PSME4: variants seen among roughly 807,000 people sequenced by gnomAD.
PSME4 encodes proteasome activator complex subunit 4.
In PSME4, 89 loss-of-function variants were observed where a neutral mutation model predicts 253.9. The observed-to-expected ratio is 0.35, with a 90% CI of 0.30 to 0.42. The LOEUF is 0.42. Ranked by LOEUF, PSME4 falls within the 10% of genes least tolerant of loss-of-function variation. The pLI is 1.00. For missense variants in PSME4, 2,014 were observed against 2,195.2 expected (o/e 0.92, Z 1.65); for synonymous variants, 851 against 759.2 (o/e 1.12, Z -1.99).
At chr2:53,961,017 G>GA (rs778847055) in intron 1 of PSME4, among the ~76,000 whole-genome samples, 28 of 152,178 alleles carry the variant, frequency 1.8e-4, no homozygotes, top group Non-Finnish European at 3.8e-4. Flanking sequence ...TGAGGCAGGA[G>GA]AATCGCTTGA....
intron 26 of PSME4, among the ~76,000 whole-genome samples, chr2:53,905,666 C>G (rs1395462502): frequency 6.6e-6 from 1 of 152,148 alleles, no homozygotes; most frequent in Non-Finnish European, 1.5e-5. Flanking sequence ...GACCTGAGTT[C>G]ATGGTGATGT....
At chr2:53,951,284 T>C (rs980418361) in intron 1 of PSME4, among the ~76,000 whole-genome samples, 10 of 152,330 alleles carry the variant, frequency 6.6e-5, no homozygotes, top group African/African-American at 2.4e-4. Flanking sequence ...GGTTTCACCA[T>C]GTTGGCCAGG....
chr2:53,891,104 AC>A (rs1679885923), intron 36 of PSME4, among the ~76,000 whole-genome samples: 1 of 152,250 alleles, frequency 6.6e-6, no homozygotes, highest in Non-Finnish European at 1.5e-5. Flanking sequence ...CTAGGCTGAA[AC>A]AAAACCTCAA....
intron 4 of PSME4, 31 bp from the exon 5 acceptor site, chr2:53,937,571 G>T: frequency 6.3e-7 from 1 of 1,594,800 alleles, no homozygotes; most frequent in South Asian, 1.1e-5. Flanking sequence ...TCATGTATCT[G>T]ATTATTGGCT....
At chr2:53,895,811 G>T in intron 32 of PSME4, 75 bp from the exon 33 acceptor site, 1 of 1,331,842 alleles carries the variant, frequency 7.5e-7, no homozygotes, top group Non-Finnish European at 1.0e-6. Flanking sequence ...TCAATCAACA[G>T]TACCAGCATA....
chr2:53,965,372 T>C (rs534556284), intron 1 of PSME4, among the ~76,000 whole-genome samples: 7 of 151,688 alleles, frequency 4.6e-5, no homozygotes, highest in South Asian at 2.1e-4. Flanking sequence ...CCTCAGTCTA[T>C]AGGCGAGTGC....
chr2:53,894,582 T>A (rs1433858696), intron 34 of PSME4, among the ~76,000 whole-genome samples: 1 of 152,236 alleles, frequency 6.6e-6, no homozygotes, highest in African/African-American at 2.4e-5. Context: ...AAGTCAACTT[T>A]CAAAGTGAAG....
At chr2:53,917,091 T>C (rs1668094552) in intron 20 of PSME4, among the ~76,000 whole-genome samples, 1 of 150,930 alleles carries the variant, frequency 6.6e-6, no homozygotes, top group South Asian at 2.1e-4. Context: ...TTTTAATCTA[T>C]ATATGTTTAA....
intron 29 of PSME4, among the ~76,000 whole-genome samples, chr2:53,898,632 G>GGCACAC: frequency 8.7e-6 from 1 of 114,892 alleles, no homozygotes; most frequent in East Asian, 3.2e-4. Context: ...AATTGGGAGT[G>GGCACAC]GCACACACAC....
intron 3 of PSME4, among the ~76,000 whole-genome samples, chr2:53,945,402 A>G (rs1669654747): frequency 6.6e-6 from 1 of 152,162 alleles, no homozygotes; most frequent in Admixed American, 6.6e-5. Flanking sequence ...AACACTACCA[A>G]TTCTTTCTCC....
At chr2:53,890,816 T>C (rs1233273013) in intron 36 of PSME4, among the ~76,000 whole-genome samples, 2 of 152,020 alleles carry the variant, frequency 1.3e-5, no homozygotes, top group African/African-American at 2.4e-5. Flanking sequence ...TCACTTGAAA[T>C]CAGGAGTTCA....
intron 1 of PSME4, among the ~76,000 whole-genome samples, chr2:53,964,749 T>C (rs959172509): frequency 3.3e-5 from 5 of 152,210 alleles, no homozygotes; most frequent in East Asian, 1.9e-4. Flanking sequence ...TGGCCACTTA[T>C]TACTTTCCAC....
chr2:53,964,133 A>G (rs777036718), intron 1 of PSME4, among the ~76,000 whole-genome samples: 9 of 152,234 alleles, frequency 5.9e-5, no homozygotes, highest in African/African-American at 9.6e-5. Flanking sequence ...AGTGAAAAGA[A>G]AACGACAAGC....
rs765243719 is a variant in PSME4, at chr2:53,922,594, G to A, written c.1979-10C>T. The A allele has an allele frequency of 1.9e-6, 3 of 1,609,614 alleles. No individual in the cohort carries two copies. In the South Asian group the frequency reaches 3.3e-5, roughly 18 times the overall value. On this transcript the variant is annotated splice_polypyrimidine_tract_variant and intron_variant, in intron 16 of 46. Coordinates refer to ENST00000404125, the MANE Select transcript of PSME4 (RefSeq NM_014614.3). ...TTTAATACATCATCATCTAAAAACA[G>A]CAAAATACTATTAGGGGGAAAAACC...
chr2:53,895,006 C>T lies in PSME4; in HGVS notation c.3912+1G>A. ...GAACCATGGTGAAATGGAATGCTTA[C>T]CTCTGTCATATCCTCCCTGCTTCTG... On this transcript the variant is annotated splice_donor_variant, in intron 34 of 46. Coordinates refer to ENST00000404125, the MANE Select transcript of PSME4 (RefSeq NM_014614.3). LOFTEE classifies it high-confidence loss of function. 6.2e-7 allele frequency: 1 copy of T among 1,611,036 alleles called. No individual in the cohort carries two copies. Among genetic ancestry groups the T allele is most frequent in the Non-Finnish European group, 8.5e-7 (1 of 1,179,178 alleles).
In PSME4 at chr2:53,895,134, G is replaced by A. The variant is rs996354163; in HGVS notation, c.3843-58C>T. On this transcript the variant is annotated intron_variant, in intron 33 of 46. Transcript: ENST00000404125. ...ATAGAAAAAAATATTAGAGCTTCAT[G>A]GATAGAAAGCATTAGAAGGCACTTT... 9 of 1,475,266 alleles carry A rather than the reference G, an allele frequency of 6.1e-6. No homozygotes were observed. The African/African-American group carries it at 9.9e-5, about 16-fold the overall frequency. 91.4% of individuals were successfully genotyped at this position (1,475,266 alleles called of 1,614,324 possible).
In PSME4 at chr2:53,928,156, T is replaced by C. The variant is rs1668655029; in HGVS notation, c.1464A>G (p.Ala488=). Residue 488 remains alanine (A), a synonymous_variant, in exon 11 of 47, where the codon GCA becomes GCG. Coordinates refer to ENST00000404125, the MANE Select transcript of PSME4 (RefSeq NM_014614.3). The part of the protein sequence containing the change: ...PTHMLPLLMR[A]LPGVDPNDFS... ...AGTCATTTGGATCCACCCCAGGCAA[T>C]GCTCTCATCAACAGAGGTAGCATAT... The C allele has an allele frequency of 2.5e-6, 4 of 1,614,094 alleles. No individual in the cohort carries two copies. Among genetic ancestry groups the C allele is most frequent in the Non-Finnish European group, 3.4e-6 (4 of 1,180,008 alleles).
At chr2:53,946,707 G>C (rs1669724795) in intron 3 of PSME4, among the ~76,000 whole-genome samples, 1 of 152,026 alleles carries the variant, frequency 6.6e-6, no homozygotes, top group African/African-American at 2.4e-5. Context: ...ACCAGGCTGG[G>C]CAACACAGTG....
chr2:53,887,352 C>A lies in PSME4; in HGVS notation c.4636G>T (p.Asp1546Tyr), dbSNP rs778439693. Reference protein sequence around the residue: ...RILEKLKPLMDVDEEIQNHVM... With the variant: ...RILEKLKPLMYVDEEIQNHVM... ...TGGTTCTGAATTTCTTCATCCACATCCATGAGAGGTTTCAATTTCTCCAGA... is the reference window on the plus strand; with the variant it reads ...TGGTTCTGAATTTCTTCATCCACATACATGAGAGGTTTCAATTTCTCCAGA... Residue 1546 changes from aspartate (D) to tyrosine (Y), a missense_variant, in exon 40 of 47, where the codon GAT (aspartate) becomes TAT (tyrosine). Asp to Tyr is a radical substitution (Grantham distance 160). This residue lies in a region of PSME4 where 403 missense variants were observed against 556.1 expected (regional missense o/e 0.72). Coordinates refer to ENST00000404125, the MANE Select transcript of PSME4 (RefSeq NM_014614.3). 1.9e-6 allele frequency: 3 copies of A among 1,613,774 alleles called. No individual in the cohort carries two copies. The highest frequency in any genetic ancestry group is 4.5e-5 in the East Asian group (2 of 44,878).
Sources: allele counts gnomAD v4.1 joint callset (sites outside exome capture counted in the v4.1 genomes callset), GRCh38; gene constraint gnomAD v4.1.1; regional missense constraint gnomAD v4.1.1; transcripts MANE v1.5; gene names NCBI Gene and HGNC (gene_info 2026-07-23, HGNC 2026-07-21).